Variants in DOCK2 observed in about 807,000 individuals in gnomAD.
DOCK2 encodes dedicator of cytokinesis 2, also known as dedicator of cytokinesis protein 2.
Under a neutral mutation model 248.9 loss-of-function variants are expected in DOCK2, and 87 were observed. The ratio of observed to expected loss-of-function variants is 0.35; its 90% confidence interval spans 0.29 to 0.42. DOCK2 has a LOEUF of 0.42. Ranked by LOEUF, DOCK2 falls within the 10% of genes least tolerant of loss-of-function variation. The pLI, the probability that DOCK2 is intolerant of heterozygous loss-of-function variation, is 1.00. For synonymous variants in DOCK2, 805 were observed against 821.6 expected (o/e 0.98, Z 0.35); for missense variants, 1,747 against 2,300.2 (o/e 0.76, Z 4.92).
At chr5:169,900,385 G>A (rs193089339) in intron 27 of DOCK2, among the ~76,000 whole-genome samples, 3 of 152,294 alleles carry the variant, frequency 2.0e-5, no homozygotes, top group East Asian at 1.9e-4. Flanking sequence ...GAGTCTAGAC[G>A]TGAAATGGAA....
At chr5:169,709,935 G>A (rs184590479) in intron 15 of DOCK2, among the ~76,000 whole-genome samples, 5 of 152,308 alleles carry the variant, frequency 3.3e-5, no homozygotes. Context: ...CTTTTTCCTA[G>A]TGTCATATCC....
chr5:170,045,942 G>T (rs375230240), intron 39 of DOCK2, 37 bp downstream of exon 39: 79 of 1,599,578 alleles, frequency 4.9e-5, no homozygotes, highest in Non-Finnish European at 5.9e-5. Context: ...TGCCCTGCAG[G>T]CTGGGTGCTC....
chr5:169,981,006 G>A (rs77611134), intron 27 of DOCK2, among the ~76,000 whole-genome samples: 1 of 152,200 alleles, frequency 6.6e-6, no homozygotes, highest in East Asian at 1.9e-4. Context: ...GGGAGAGCCA[G>A]CTTCCTGGGT....
intron 27 of DOCK2, among the ~76,000 whole-genome samples, chr5:169,923,767 C>T (rs899614728): frequency 3.9e-5 from 6 of 152,134 alleles, no homozygotes; most frequent in Admixed American, 2.6e-4. Context: ...ACATATATGG[C>T]ATGTTTCTTA....
At chr5:169,702,882 C>G (rs1021938351) in intron 14 of DOCK2, among the ~76,000 whole-genome samples, 34 of 152,076 alleles carry the variant, frequency 2.2e-4, no homozygotes, top group Admixed American at 2.1e-3. Flanking sequence ...ATTCTCAACA[C>G]TTAATCTAAC....
intron 1 of DOCK2, among the ~76,000 whole-genome samples, chr5:169,650,676 T>C (rs1228483422): frequency 1.3e-5 from 2 of 152,182 alleles, no homozygotes; most frequent in African/African-American, 4.8e-5. Context: ...GGATTTCCAA[T>C]GTGAGTCCTT....
intron 27 of DOCK2, among the ~76,000 whole-genome samples, chr5:169,908,867 A>G (rs537467301): frequency 7.9e-5 from 12 of 151,968 alleles, no homozygotes; most frequent in Non-Finnish European, 1.3e-4. Context: ...GGCCCCCACT[A>G]CATTATTGCA....
intron 29 of DOCK2, among the ~76,000 whole-genome samples, 189 bp downstream of exon 29, chr5:169,986,111 C>G (rs1048026016): frequency 2.6e-5 from 4 of 152,214 alleles, no homozygotes; most frequent in African/African-American, 9.6e-5. Flanking sequence ...AAAATCGTCT[C>G]CAACTTCTCC....
intron 27 of DOCK2, chr5:169,841,406 A>G: frequency 1.0e-6 from 1 of 987,292 alleles, no homozygotes; most frequent in Non-Finnish European, 1.2e-6. Context: ...CACAGAACCC[A>G]GCTCGAACCC....
intron 11 of DOCK2, 84 bp downstream of exon 11, chr5:169,698,533 C>T: frequency 6.8e-7 from 1 of 1,474,218 alleles, no homozygotes; most frequent in Non-Finnish European, 9.4e-7. Flanking sequence ...GGTACCAGTT[C>T]CCTGAGTTAG....
At chr5:169,783,550 GATT>G (rs1315935599) in intron 25 of DOCK2, among the ~76,000 whole-genome samples, 1 of 151,894 alleles carries the variant, frequency 6.6e-6, no homozygotes, top group African/African-American at 2.4e-5. Flanking sequence ...AAATTAGTAT[GATT>G]ATTATTTCCA....
At chr5:169,641,261 C>CT (rs1344004935) in intron 1 of DOCK2, among the ~76,000 whole-genome samples, 8 of 152,132 alleles carry the variant, frequency 5.3e-5, no homozygotes, top group African/African-American at 9.7e-5. Context: ...TCCAACGTCT[C>CT]TTTTTTTGGA....
chr5:169,928,507 A>C (rs1561831284), intron 27 of DOCK2, among the ~76,000 whole-genome samples: 1 of 152,210 alleles, frequency 6.6e-6, no homozygotes, highest in Non-Finnish European at 1.5e-5. Flanking sequence ...GAGTGAATCC[A>C]AGTTACGGGA....
chr5:169,763,387 C>T lies in DOCK2; in HGVS notation c.2554+1762C>T, dbSNP rs530040722. On this transcript the variant is annotated intron_variant, in intron 25 of 51. Coordinates refer to ENST00000520908, the MANE Select transcript of DOCK2 (RefSeq NM_004946.3). The surrounding 1 kb of genome is among the most constrained non-coding windows in gnomAD (Gnocchi z 4.1). ...GACATGACAAGGACGACTCTAGCTA[C>T]GCATATGGTGTGGCACAGGCAGCAG... Among the ~76,000 whole-genome samples, 6 of 152,344 alleles carry T rather than the reference C, an allele frequency of 3.9e-5. No homozygotes were observed. Among genetic ancestry groups the T allele is most frequent in the African/African-American group, 9.6e-5 (4 of 41,586 alleles).
At chr5:169,673,090 C>T (rs992339662) in intron 5 of DOCK2, among the ~76,000 whole-genome samples, 1 of 152,078 alleles carries the variant, frequency 6.6e-6, no homozygotes, top group Non-Finnish European at 1.5e-5. Flanking sequence ...TGCTTGAGCT[C>T]AATCCTCAGT....
chr5:169,815,105 GGC>G (rs1767984289), intron 26 of DOCK2, among the ~76,000 whole-genome samples: 1 of 152,156 alleles, frequency 6.6e-6, no homozygotes, highest in Non-Finnish European at 1.5e-5. Context: ...ATTTCACGTG[GGC>G]TATTTGACAT....
At chr5:169,862,784 C>T (rs535908345) in intron 27 of DOCK2, among the ~76,000 whole-genome samples, 8 of 152,276 alleles carry the variant, frequency 5.3e-5, no homozygotes, top group Middle Eastern at 3.4e-3. Flanking sequence ...AAGGTGAAAC[C>T]ATCGGAGTGG....
Position 169,898,615 on chromosome 5 carries a change from C to T in DOCK2, c.2799+57763C>T, listed in dbSNP as rs138438806. 2.0e-5 allele frequency among the ~76,000 whole-genome samples: 3 copies of T among 152,248 alleles called. No homozygotes were observed. The East Asian group carries it at 5.8e-4, about 29-fold the overall frequency. On this transcript the variant is annotated intron_variant, in intron 27 of 51. Transcript: ENST00000520908. ...GAAAGAATGACAGTTAAGCTCTTAACATAGTGTCTATCTTATCTACTATAT... is the reference window on the plus strand; with the variant it reads ...GAAAGAATGACAGTTAAGCTCTTAATATAGTGTCTATCTTATCTACTATAT...
intron 26 of DOCK2, among the ~76,000 whole-genome samples, chr5:169,820,620 C>A (rs940764737): frequency 1.3e-5 from 2 of 152,238 alleles, no homozygotes; most frequent in South Asian, 2.1e-4. Flanking sequence ...CCCATCTGTA[C>A]GTCACCATCA....
Sources: allele counts gnomAD v4.1 joint callset (sites outside exome capture counted in the v4.1 genomes callset), GRCh38; gene constraint gnomAD v4.1.1; non-coding constraint Gnocchi (gnomAD v3.1); transcripts MANE v1.5; gene names NCBI Gene and HGNC (gene_info 2026-07-23, HGNC 2026-07-21).